PLEKHH2: variants seen among roughly 807,000 people sequenced by gnomAD.
The protein encoded by PLEKHH2 is pleckstrin homology, MyTH4 and FERM domain containing H2.
PLEKHH2 carries 129 observed loss-of-function variants against 187.9 expected under a neutral mutation model. That is an observed-to-expected ratio of 0.69 (90% CI 0.59 to 0.79). The LOEUF (loss-of-function observed/expected upper bound fraction) is 0.79. Ranked by LOEUF, PLEKHH2 falls within the 30% of genes least tolerant of loss-of-function variation. The probability of loss-of-function intolerance (pLI) is 0.00; values close to 1 mark genes in which losing one functional copy is unlikely to be tolerated. For missense variants in PLEKHH2, 2,076 were observed against 1,751.2 expected (o/e 1.19, Z -3.31); for synonymous variants, 686 against 605.6 (o/e 1.13, Z -1.95).
At chr2:43,723,213 T>G (rs1670568542) in intron 16 of PLEKHH2, among the ~76,000 whole-genome samples, 1 of 152,198 alleles carries the variant, frequency 6.6e-6, no homozygotes, top group African/African-American at 2.4e-5. Flanking sequence ...AAAAGCTTGC[T>G]TTTTAGGAGA....
At chr2:43,645,894 A>G (rs1177375464) in intron 2 of PLEKHH2, among the ~76,000 whole-genome samples, 3 of 152,156 alleles carry the variant, frequency 2.0e-5, no homozygotes, top group Admixed American at 1.3e-4. Flanking sequence ...TTTGGGATGG[A>G]GATTGGTACA....
chr2:43,698,178 A>AT (rs1454465231), intron 7 of PLEKHH2, among the ~76,000 whole-genome samples: 1 of 151,204 alleles, frequency 6.6e-6, no homozygotes, highest in Non-Finnish European at 1.5e-5. Context: ...AAAATGATAC[A>AT]TTTTCCAATC....
intron 2 of PLEKHH2, among the ~76,000 whole-genome samples, chr2:43,654,185 A>G (rs1045774567): frequency 6.6e-6 from 1 of 152,104 alleles, no homozygotes; most frequent in African/African-American, 2.4e-5. Flanking sequence ...AGTAGTTGAC[A>G]TTTTATGTTA....
chr2:43,703,928 T>C, intron 8 of PLEKHH2, 53 bp from the exon 9 acceptor site: 2 of 621,824 alleles, frequency 3.2e-6, no homozygotes, highest in South Asian at 2.3e-5. Flanking sequence ...TTTTTTTTTT[T>C]TTTTTTTTTT....
chr2:43,658,715 G>C (rs1666913176), intron 2 of PLEKHH2: 1 of 152,202 alleles, frequency 6.6e-6, no homozygotes. Context: ...CCCAGAGCAA[G>C]TCATCCAAGA....
intron 3 of PLEKHH2, chr2:43,681,086 A>G (rs1668152244): frequency 8.7e-7 from 1 of 1,148,622 alleles, no homozygotes; most frequent in Non-Finnish European, 1.3e-6. Context: ...CACTATTTGA[A>G]TGCCAACCAA....
chr2:43,731,466 G>C, intron 18 of PLEKHH2, 24 bp from the exon 19 acceptor site: 2 of 1,441,348 alleles, frequency 1.4e-6, no homozygotes, highest in African/African-American at 1.4e-5. Context: ...TCAGTTTTCT[G>C]TTCATATTTT....
chr2:43,756,213 C>T (rs1558626880), intron 25 of PLEKHH2, among the ~76,000 whole-genome samples: 2 of 151,906 alleles, frequency 1.3e-5, no homozygotes, highest in Non-Finnish European at 2.9e-5. Flanking sequence ...AATCTAGGAA[C>T]AAAGTAATGA....
At position 43,702,827 on chromosome 2, in the gene PLEKHH2, TAGTC is replaced by T. The variant is rs556304584; in HGVS notation, c.1651-1151_1651-1148del. On this transcript the variant is annotated intron_variant, in intron 8 of 29. Transcript: ENST00000282406. ...GTCACTCTAGAGGGACAACATGTGA[TAGTC>T]AGCAGTACCTCCGATAGAAACAAGT... 1.2e-3 allele frequency among the ~76,000 whole-genome samples: 183 copies of T among 152,266 alleles called. 2 individuals are homozygous for T. Among genetic ancestry groups the T allele is most frequent in the African/African-American group, 4.2e-3 (174 of 41,550 alleles).
Position 43,700,311 on chromosome 2 carries a change from A to G in PLEKHH2, c.1353A>G (p.Val451=). 6.2e-7 allele frequency: 1 copy of G among 1,614,160 alleles called. No individual in the cohort carries two copies. Among genetic ancestry groups the G allele is most frequent in the East Asian group, 2.2e-5 (1 of 44,884 alleles). Residue 451 remains valine (V), a synonymous_variant, in exon 8 of 30, where the codon GTA becomes GTG. Coordinates refer to ENST00000282406, the MANE Select transcript of PLEKHH2 (RefSeq NM_172069.4). ...LRIPNVFSIS[V]ALAKRHLSQP... ...TTCCTAATGTTTTCAGTATAAGTGT[A>G]GCACTAGCCAAAAGGCACTTAAGCC...
intron 20 of PLEKHH2, among the ~76,000 whole-genome samples, chr2:43,738,771 C>G (rs1671421371): frequency 6.6e-6 from 1 of 152,128 alleles, no homozygotes; most frequent in African/African-American, 2.4e-5. Flanking sequence ...CTTTTTTAAA[C>G]TATAGAAAAT....
At chr2:43,711,717 C>A (rs1051324040) in intron 14 of PLEKHH2, 11 of 454,226 alleles carry the variant, frequency 2.4e-5, no homozygotes, top group Middle Eastern at 1.1e-3. Context: ...CGGTGAAACC[C>A]CGTCTCTACT....
intron 14 of PLEKHH2, chr2:43,711,862 C>G (rs111598754): frequency 2.3e-6 from 2 of 872,518 alleles, no homozygotes; most frequent in Admixed American, 5.7e-5. Flanking sequence ...CCACTGCACT[C>G]CAGCCTGGGC....
At chr2:43,637,660 G>C (rs1416786086) in intron 1 of PLEKHH2, among the ~76,000 whole-genome samples, 2 of 152,114 alleles carry the variant, frequency 1.3e-5, no homozygotes, top group Admixed American at 6.5e-5. Flanking sequence ...CTCCCGTGAC[G>C]TTCTGTTTGG....
chr2:43,730,507 T>C (rs1288647980), intron 18 of PLEKHH2, among the ~76,000 whole-genome samples: 2 of 152,210 alleles, frequency 1.3e-5, no homozygotes, highest in Non-Finnish European at 2.9e-5. Flanking sequence ...CAAGCAATCC[T>C]CCTGCCTCAG....
At chr2:43,746,079 T>C (rs1671767936) in intron 24 of PLEKHH2, 116 bp downstream of exon 24, 1 of 582,798 alleles carries the variant, frequency 1.7e-6, no homozygotes, top group Admixed American at 4.1e-5. Context: ...TAAGTTTGTC[T>C]TTCTATAAAT....
chr2:43,680,650 G>C (rs1558475610), intron 3 of PLEKHH2: 23 of 326,906 alleles, frequency 7.0e-5, no homozygotes, highest in South Asian at 6.9e-4. Context: ...TGCAGTGTCT[G>C]TTTGTTTAGT....
chr2:43,755,076 T>A (rs1333345747), intron 25 of PLEKHH2, among the ~76,000 whole-genome samples: 1 of 152,080 alleles, frequency 6.6e-6, no homozygotes, highest in African/African-American at 2.4e-5. Context: ...TTTCACCATG[T>A]TGGCCAGGCT....
intron 3 of PLEKHH2, among the ~76,000 whole-genome samples, chr2:43,689,226 AG>A: frequency 6.6e-6 from 1 of 152,268 alleles, no homozygotes; most frequent in South Asian, 2.1e-4. Context: ...GCTGAACAGG[AG>A]TTTAGGGACC....
Sources: allele counts gnomAD v4.1 joint callset (sites outside exome capture counted in the v4.1 genomes callset), GRCh38; gene constraint gnomAD v4.1.1; transcripts MANE v1.5; gene names NCBI Gene and HGNC (gene_info 2026-07-23, HGNC 2026-07-21).